Variants in DVL2 observed in about 807,000 individuals in gnomAD.
The protein encoded by DVL2 is dishevelled segment polarity protein 2.
DVL2 carries 38 observed loss-of-function variants against 69.8 expected under a neutral mutation model. That is an observed-to-expected ratio of 0.54 (90% CI 0.42 to 0.71). The LOEUF (loss-of-function observed/expected upper bound fraction) is 0.71, where lower values mean the gene tolerates loss of function less well. Among genes scored for constraint, DVL2 ranks in the 30% least tolerant of loss-of-function variants. The pLI is 0.00. For synonymous variants in DVL2, 428 were observed against 392.4 expected (o/e 1.09, Z -1.07); for missense variants, 931 against 1,008.1 (o/e 0.92, Z 1.04).
At chr17:7,230,199 G>A in intron 3 of DVL2, 44 bp from the exon 4 acceptor site, 1 of 1,610,862 alleles carries the variant, frequency 6.2e-7, no homozygotes, top group Non-Finnish European at 8.5e-7. Context: ...AGGAGAACAG[G>A]GCTCCGGATC....
Position 7,225,987 on chromosome 17 carries a change from G to A in DVL2, c.2089C>T (p.Gln697Ter). ...PPPPPVPPAV[Q>*]PPGAPPVRDL... Reference sequence around the variant, plus strand: ...CTGACTGGAGGGGCCCCCGGAGGCTGCACTGCTGGAGGGACTGGAGGTGGA... The same window carrying A: ...CTGACTGGAGGGGCCCCCGGAGGCTACACTGCTGGAGGGACTGGAGGTGGA... The change falls in exon 15 of 15, where the codon CAG (glutamine) becomes TAG (stop). Residue 697 changes from glutamine (Q) to a stop codon, truncating the protein, a stop_gained. Transcript: ENST00000005340. LOFTEE classifies it high-confidence loss of function. The A allele has an allele frequency of 1.9e-6, 3 of 1,613,644 alleles. No individual in the cohort carries two copies. The highest frequency in any genetic ancestry group is 2.5e-6 in the Non-Finnish European group (3 of 1,179,912).
Position 7,225,980 on chromosome 17 carries a change from G to A in DVL2, c.2096C>T (p.Pro699Leu), listed in dbSNP as rs752593583. ...CAGGTCTCTGACTGGAGGGGCCCCC[G>A]GAGGCTGCACTGCTGGAGGGACTGG... ...PPPVPPAVQP[P>L]GAPPVRDLGS... is the part of the protein sequence containing the mutation. The change falls in exon 15 of 15, where the codon CCG becomes CTG. Residue 699 changes from proline (P) to leucine (L), a missense_variant. By Grantham distance (98) the Pro-to-Leu change is moderately conservative. Transcript: ENST00000005340. The A allele has an allele frequency of 1.8e-5, 29 of 1,613,566 alleles. No homozygotes were observed. Among genetic ancestry groups the A allele is most frequent in the African/African-American group, 5.3e-5 (4 of 74,942 alleles).
chr17:7,228,016 A>T lies in DVL2; in HGVS notation c.1063T>A (p.Trp355Arg). 1 of 1,554,416 alleles carries T rather than the reference A, an allele frequency of 6.4e-7. No homozygotes were observed. The highest frequency in any genetic ancestry group is 8.7e-7 in the Non-Finnish European group (1 of 1,151,832). Residue 355 changes from tryptophan (W) to arginine (R), a missense_variant, in exon 10 of 15, where the codon TGG becomes AGG. This residue lies in a region of DVL2 where 555 missense variants were observed against 588.8 expected (regional missense o/e 0.94). Transcript: ENST00000005340. ...GPIVLTVAKC[W>R]DPSPQAYFTL... ...AAATAGGCCTGAGGAGAGGGATCCC[A>T]GCACTTGGCCACAGTCAGCACAATG... is the stretch of plus-strand genomic sequence containing the variant.
rs1320502406 is a variant in DVL2, at chr17:7,229,989, C to T, written c.521-46G>A. Reference sequence around the variant, plus strand: ...CAAGAACCAAGCTTCCCCCTGCTCACCCCACCAAGGCTGGGGTCTGGCCCA... The same window carrying T: ...CAAGAACCAAGCTTCCCCCTGCTCATCCCACCAAGGCTGGGGTCTGGCCCA... On this transcript the variant is annotated intron_variant, in intron 4 of 14. Coordinates refer to ENST00000005340, the MANE Select transcript of DVL2 (RefSeq NM_004422.3). The surrounding 1 kb of genome is among the most constrained non-coding windows in gnomAD (Gnocchi z 4.4). 3.1e-6 allele frequency: 5 copies of T among 1,610,222 alleles called. No individual in the cohort carries two copies. Among genetic ancestry groups the T allele is most frequent in the Middle Eastern group, 1.6e-4 (1 of 6,082 alleles).
chr17:7,230,221 C>T, intron 3 of DVL2, 64 bp downstream of exon 3: 1 of 1,611,144 alleles, frequency 6.2e-7, no homozygotes, highest in Non-Finnish European at 8.5e-7. Context: ...TAGGCGTCCC[C>T]TACCAAAGGC....
Position 7,227,666 on chromosome 17 carries a change from G to T in DVL2, c.1220C>A (p.Ser407Tyr). 1 of 1,614,182 alleles carries T rather than the reference G, an allele frequency of 6.2e-7. No homozygotes were observed. Among genetic ancestry groups the T allele is most frequent in the Non-Finnish European group, 8.5e-7 (1 of 1,180,024 alleles). Residue 407 changes from serine (S) to tyrosine (Y), a missense_variant, in exon 11 of 15, where the codon TCT becomes TAT. Physicochemically the swap from Ser to Tyr is moderately radical, Grantham distance 144 (BLOSUM62 -2). Coordinates refer to ENST00000005340, the MANE Select transcript of DVL2 (RefSeq NM_004422.3). ...GGCTGGCGGCTCACCATCAGGCAAAGACGATCCAGATGTAATGGTGCTCAT... is the reference window on the plus strand; with the variant it reads ...GGCTGGCGGCTCACCATCAGGCAAATACGATCCAGATGTAATGGTGCTCAT... ...SSMSTITSGS[S>Y]LPDGCEGRGL...
rs967274335 is a variant in DVL2 at position 7,227,637 on chromosome 17, G to C, written c.1231+18C>G. 1.9e-6 allele frequency: 3 copies of C among 1,614,086 alleles called. No homozygotes were observed. Among genetic ancestry groups the C allele is most frequent in the Non-Finnish European group, 2.5e-6 (3 of 1,180,032 alleles). On this transcript the variant is annotated intron_variant, in intron 11 of 14. Coordinates refer to ENST00000005340, the MANE Select transcript of DVL2 (RefSeq NM_004422.3). ...GCCTTCTGCTGGGAGGGTGGGATGAGGTGGGCTGGCGGCTCACCATCAGGC... is the reference window on the plus strand; with the variant it reads ...GCCTTCTGCTGGGAGGGTGGGATGACGTGGGCTGGCGGCTCACCATCAGGC...
chr17:7,232,816 G>A, intron 1 of DVL2, among the ~76,000 whole-genome samples: 1 of 152,178 alleles, frequency 6.6e-6, no homozygotes, highest in East Asian at 1.9e-4. Context: ...TGGGCCGGGC[G>A]CGGTGGCTCA....
rs1264311524 is a variant in DVL2 at position 7,234,121 on chromosome 17, G to A, written c.142C>T (p.Gln48Ter). The stretch of plus-strand genomic sequence containing the variant: ...AAGTACTTGGCGCCCGCGGGCCGCT[G>A]CAGGACGCTCTTGAAATCGCCGAGG... ...ITLGDFKSVL[Q>*]RPAGAKYFFK... The change falls in exon 1 of 15, where the codon CAG becomes TAG. Residue 48 changes from glutamine to a stop codon, truncating the protein, a stop_gained. Coordinates refer to ENST00000005340, the MANE Select transcript of DVL2 (RefSeq NM_004422.3). LOFTEE classifies it high-confidence loss of function. 2.5e-6 allele frequency: 4 copies of A among 1,614,190 alleles called. No individual in the cohort carries two copies. The highest frequency in any genetic ancestry group is 3.4e-6 in the Non-Finnish European group (4 of 1,180,036).
chr17:7,233,946 T>A (rs1567577303), intron 1 of DVL2, 123 bp downstream of exon 1: 2 of 1,048,070 alleles, frequency 1.9e-6, no homozygotes, highest in Non-Finnish European at 1.4e-6. Context: ...CTCAGCATAG[T>A]ACAATCTGCT....
Position 7,226,286 on chromosome 17 carries a change from C to G in DVL2, c.1790G>C (p.Ser597Thr). 1 of 1,586,772 alleles carries G rather than the reference C, an allele frequency of 6.3e-7. No individual in the cohort carries two copies. Among genetic ancestry groups the G allele is most frequent in the Non-Finnish European group, 8.6e-7 (1 of 1,168,780 alleles). The change falls in exon 15 of 15, where the codon AGT (serine) becomes ACT (threonine). Residue 597 changes from serine (S) to threonine (T), a missense_variant. Ser to Thr is a moderately conservative substitution (Grantham distance 58, BLOSUM62 1). This residue lies in a region of DVL2 where 314 missense variants were observed against 313.7 expected (regional missense o/e 1.00). Coordinates refer to ENST00000005340, the MANE Select transcript of DVL2 (RefSeq NM_004422.3). Reference protein sequence around the residue: ...EGSRSSGSTRSDGGAGRTGRP... With the variant: ...EGSRSSGSTRTDGGAGRTGRP... ...CCCCGTGCGCCCTGCCCCCCCATCACTCCGTGTCGACCCACTGCTCCGGCT... is the reference window on the plus strand; with the variant it reads ...CCCCGTGCGCCCTGCCCCCCCATCAGTCCGTGTCGACCCACTGCTCCGGCT...
At position 7,229,843 on chromosome 17, in the gene DVL2, G is replaced by A. The variant is rs222836; in HGVS notation, c.621C>T (p.Ser207=). The change falls in exon 5 of 15, where the codon AGC becomes AGT. Residue 207 remains serine (S), a synonymous_variant. Coordinates refer to ENST00000005340, the MANE Select transcript of DVL2 (RefSeq NM_004422.3). The surrounding 1 kb of genome is among the most constrained non-coding windows in gnomAD (Gnocchi z 4.4). The stretch of plus-strand genomic sequence containing the variant: ...TGTCCTCCTCGTCCGAGTCCCCCAG[G>A]CTGGTACTCTCCAGCTCGCTGGTCA... ...TLMTSELEST[S]LGDSDEEDTM... 0.51 allele frequency: 827,444 copies of A among 1,611,764 alleles called. 214,992 individuals carry two copies. The highest frequency in any genetic ancestry group is 0.6 in the South Asian group (54,419 of 91,078).
chr17:7,231,909 G>A (rs1257590921), intron 1 of DVL2, among the ~76,000 whole-genome samples: 6 of 150,108 alleles, frequency 4.0e-5, no homozygotes, highest in South Asian at 2.1e-4. Context: ...ACAAACAATG[G>A]AAGTTCCTCA....
Position 7,226,268 on chromosome 17 carries a change from C to T in DVL2, c.1808G>A (p.Arg603His), listed in dbSNP as rs908006315. 8 of 1,598,988 alleles carry T rather than the reference C, an allele frequency of 5.0e-6. No homozygotes were observed. The highest frequency in any genetic ancestry group is 2.7e-5 in the African/African-American group (2 of 74,410). ...GSTRSDGGAG[R>H]TGRPEERAPE... is the part of the protein sequence containing the mutation. ...GGCCCGCTCCTCGGGCCTCCCCGTGCGCCCTGCCCCCCCATCACTCCGTGT... is the reference window on the plus strand; with the variant it reads ...GGCCCGCTCCTCGGGCCTCCCCGTGTGCCCTGCCCCCCCATCACTCCGTGT... The change falls in exon 15 of 15, where the codon CGC (arginine) becomes CAC (histidine). Residue 603 changes from arginine (R) to histidine (H), a missense_variant. Coordinates refer to ENST00000005340, the MANE Select transcript of DVL2 (RefSeq NM_004422.3).
chr17:7,231,093 TG>T (rs2071535938), intron 1 of DVL2, among the ~76,000 whole-genome samples: 1 of 152,228 alleles, frequency 6.6e-6, no homozygotes, highest in African/African-American at 2.4e-5. Context: ...TCCCGCACGC[TG>T]ATGCGGCTGC....
chr17:7,226,889 G>C, intron 13 of DVL2: 1 of 655,718 alleles, frequency 1.5e-6, no homozygotes, highest in South Asian at 2.0e-5. Context: ...ACACAGTCCT[G>C]CACCTGGCAC....
At chr17:7,230,245 T>C in intron 3 of DVL2, 40 bp downstream of exon 3, 1 of 1,612,956 alleles carries the variant, frequency 6.2e-7, no homozygotes, top group Non-Finnish European at 8.5e-7. Context: ...GGTTCCCTCC[T>C]CACCTCCCTC....
At position 7,230,104 on chromosome 17, in the gene DVL2, C is replaced by G. The variant is rs749070452; in HGVS notation, c.462G>C (p.Glu154Asp). 2 of 1,614,212 alleles carry G rather than the reference C, an allele frequency of 1.2e-6. No individual in the cohort carries two copies. The highest frequency in any genetic ancestry group is 1.7e-6 in the Non-Finnish European group (2 of 1,180,034). Reference sequence around the variant, plus strand: ...GCTCCCGCCTCAGTGACACTACTGACTCGGTTTCTGTCTCAGGCTCCAGAT... The same window carrying G: ...GCTCCCGCCTCAGTGACACTACTGAGTCGGTTTCTGTCTCAGGCTCCAGAT... ...HENLEPETETESVVSLRRERP... is the reference protein window; with the variant it reads ...HENLEPETETDSVVSLRRERP... The change falls in exon 4 of 15, where the codon GAG becomes GAC. Residue 154 changes from glutamate to aspartate, a missense_variant. Around this residue, in one of 3 missense-constraint regions of DVL2, gnomAD observed 555 missense variants for 588.8 expected, o/e 0.94. Coordinates refer to ENST00000005340, the MANE Select transcript of DVL2 (RefSeq NM_004422.3).
intron 1 of DVL2, 65 bp downstream of exon 1, chr17:7,234,004 C>A: frequency 1.3e-6 from 2 of 1,547,372 alleles, no homozygotes; most frequent in Non-Finnish European, 8.9e-7. Context: ...AGACGTGTGC[C>A]CCTCCATGTC....
Sources: allele counts gnomAD v4.1 joint callset (sites outside exome capture counted in the v4.1 genomes callset), GRCh38; gene constraint gnomAD v4.1.1; regional missense constraint gnomAD v4.1.1; non-coding constraint Gnocchi (gnomAD v3.1); transcripts MANE v1.5; gene names NCBI Gene and HGNC (gene_info 2026-07-23, HGNC 2026-07-21).